The following DENND1A variants were observed in gnomAD, a reference collection of about 807,000 sequenced individuals.
The protein encoded by DENND1A is DENN domain containing 1A.
In DENND1A, 51 loss-of-function variants were observed where a neutral mutation model predicts 113.7. That is an observed-to-expected ratio of 0.45 (90% confidence interval 0.36 to 0.57). The LOEUF is 0.57. Among genes scored for constraint, DENND1A ranks in the 20% least tolerant of loss-of-function variants. The pLI is 0.00. For synonymous variants in DENND1A, 565 were observed against 570.8 expected, an observed-to-expected ratio of 0.99 and a Z score of 0.14; for missense variants, 1,258 against 1,395.9, an observed-to-expected ratio of 0.90 and a Z score of 1.57.
intron 16 of DENND1A, among the ~76,000 whole-genome samples, chr9:123,453,183 C>T (rs866748420): frequency 7.2e-5 from 11 of 152,166 alleles, no homozygotes; most frequent in African/African-American, 2.7e-4. Flanking sequence ...CTCTGCCTTC[C>T]AAAACCTCCA....
intron 11 of DENND1A, among the ~76,000 whole-genome samples, chr9:123,608,087 C>T (rs1229969673): frequency 7.2e-5 from 11 of 152,128 alleles, no homozygotes; most frequent in Non-Finnish European, 1.6e-4. Flanking sequence ...GATCTAAATA[C>T]ATCATCCCAG....
chr9:123,421,874 C>A (rs7044611), intron 19 of DENND1A, among the ~76,000 whole-genome samples: 1 of 152,192 alleles, frequency 6.6e-6, no homozygotes, highest in African/African-American at 2.4e-5. Context: ...CCATTCAAGA[C>A]CTGGCCCTGC....
chr9:123,727,065 G>A (rs539454390), intron 5 of DENND1A, among the ~76,000 whole-genome samples: 3 of 152,138 alleles, frequency 2.0e-5, no homozygotes, highest in African/African-American at 4.8e-5. Flanking sequence ...AGATCTAAAC[G>A]GGATGATCAG....
intron 5 of DENND1A, among the ~76,000 whole-genome samples, chr9:123,691,828 T>C (rs1564957963): frequency 1.3e-5 from 2 of 151,566 alleles, no homozygotes; most frequent in Admixed American, 1.3e-4. Context: ...AAGAAGGAGG[T>C]TCCAAAAATG....
intron 2 of DENND1A, among the ~76,000 whole-genome samples, chr9:123,872,056 T>C (rs1846702275): frequency 6.6e-6 from 1 of 152,202 alleles, no homozygotes; most frequent in Non-Finnish European, 1.5e-5. Context: ...ACAGACTGAA[T>C]TCAGACTTCA....
At chr9:123,748,453 T>C (rs2069719042) in intron 5 of DENND1A, among the ~76,000 whole-genome samples, 1 of 152,186 alleles carries the variant, frequency 6.6e-6, no homozygotes. Context: ...GGTACTACGA[T>C]TTTTCTGTAA....
At chr9:123,770,944 T>C (rs1192898128) in intron 3 of DENND1A, among the ~76,000 whole-genome samples, 1 of 152,240 alleles carries the variant, frequency 6.6e-6, no homozygotes. Context: ...TGACTTGCTC[T>C]GCCAGAGCAT....
chr9:123,401,843 G>T, intron 21 of DENND1A: 3 of 1,614,236 alleles, frequency 1.9e-6, no homozygotes, highest in Non-Finnish European at 2.5e-6. Context: ...CTCTCGTCGG[G>T]AACTTGGCCG....
intron 13 of DENND1A, among the ~76,000 whole-genome samples, chr9:123,500,747 C>A (rs989741259): frequency 2.6e-4 from 39 of 152,188 alleles, no homozygotes; most frequent in Non-Finnish European, 8.8e-5. Context: ...CAGTAACACA[C>A]AATGAATTGA....
chr9:123,657,591 T>C (rs970084658), intron 8 of DENND1A, among the ~76,000 whole-genome samples: 1 of 152,200 alleles, frequency 6.6e-6, no homozygotes, highest in African/African-American at 2.4e-5. Flanking sequence ...TTTATTAGTC[T>C]TTGTGACTTT....
intron 13 of DENND1A, among the ~76,000 whole-genome samples, chr9:123,471,488 T>A (rs182354523): frequency 6.6e-6 from 1 of 152,276 alleles, no homozygotes; most frequent in African/African-American, 2.4e-5. Flanking sequence ...CCCATTTCAG[T>A]GCATGTGACA....
chr9:123,655,537 T>C (rs1054309272), intron 8 of DENND1A, among the ~76,000 whole-genome samples: 2 of 152,068 alleles, frequency 1.3e-5, no homozygotes, highest in African/African-American at 4.8e-5. Flanking sequence ...GACCGGTAAG[T>C]AACTGGGAAT....
At chr9:123,594,459 C>T (rs764880278) in intron 11 of DENND1A, among the ~76,000 whole-genome samples, 47 of 152,160 alleles carry the variant, frequency 3.1e-4, no homozygotes, top group Middle Eastern at 6.8e-3. Flanking sequence ...TTGAGATGAA[C>T]AGCAATACCT....
chr9:123,440,225 G>T, intron 19 of DENND1A, 135 bp downstream of exon 19: 1 of 1,115,858 alleles, frequency 9.0e-7, no homozygotes, highest in Non-Finnish European at 1.2e-6. Flanking sequence ...AACATTTAAA[G>T]ATGTGAAAAC....
At chr9:123,907,643 T>G (rs1172949866) in intron 1 of DENND1A, among the ~76,000 whole-genome samples, 2 of 150,016 alleles carry the variant, frequency 1.3e-5, no homozygotes, top group African/African-American at 5.0e-5. Context: ...TTACAAGGGA[T>G]GTGAAGGACC....
intron 13 of DENND1A, among the ~76,000 whole-genome samples, chr9:123,471,389 C>T (rs537534322): frequency 1.7e-4 from 26 of 152,184 alleles, no homozygotes; most frequent in African/African-American, 6.0e-4. Context: ...TGACTCTTAG[C>T]GGAGGGGCTA....
chr9:123,496,377 T>C (rs1367432211), intron 13 of DENND1A, among the ~76,000 whole-genome samples: 1 of 152,180 alleles, frequency 6.6e-6, no homozygotes, highest in Non-Finnish European at 1.5e-5. Flanking sequence ...CTAGTCAGAG[T>C]TCAAATAACT....
intron 12 of DENND1A, among the ~76,000 whole-genome samples, chr9:123,578,876 G>T (rs1334409162): frequency 6.6e-6 from 1 of 152,140 alleles, no homozygotes; most frequent in South Asian, 2.1e-4. Context: ...TTGTGTGTGT[G>T]TGTGATTAAA....
At chr9:123,847,380 T>C (rs912834466) in intron 2 of DENND1A, among the ~76,000 whole-genome samples, 1 of 151,228 alleles carries the variant, frequency 6.6e-6, no homozygotes, top group African/African-American at 2.4e-5. Flanking sequence ...AACCAAGATA[T>C]ATAAGAAGAA....
Sources: gnomAD v4.1 joint callset for allele counts (sites outside exome capture counted in the v4.1 genomes callset) on GRCh38, gnomAD v4.1.1 for gene constraint, MANE v1.5 for transcripts, NCBI Gene and HGNC (gene_info 2026-07-23, HGNC 2026-07-21) for gene names.